STAU2: variants seen among roughly 807,000 people sequenced by gnomAD.
STAU2 encodes staufen double-stranded RNA binding protein 2.
A neutral mutation model predicts 65.9 loss-of-function variants in STAU2; 20 were observed. The ratio of observed to expected loss-of-function variants is 0.30; its 90% CI spans 0.21 to 0.44. STAU2 has a LOEUF of 0.44. Ranked by LOEUF, STAU2 falls within the 20% of genes least tolerant of loss-of-function variation. The probability of loss-of-function intolerance (pLI) is 1.00; values close to 1 mark genes in which losing one functional copy is unlikely to be tolerated. For synonymous variants in STAU2, 232 were observed against 233.9 expected (o/e 0.99, Z 0.07); for missense variants, 558 against 683.9 (o/e 0.82, Z 2.05).
intron 11 of STAU2, 115 bp from the exon 12 acceptor site, chr8:73,582,945 T>C (rs935759710): frequency 4.4e-5 from 37 of 842,956 alleles, no homozygotes; most frequent in Non-Finnish European, 6.8e-5. Flanking sequence ...ATTCTGCATA[T>C]TATCTCTATC....
At chr8:73,732,739 G>A (rs1806155589) in intron 3 of STAU2, 1 of 152,148 alleles carries the variant, frequency 6.6e-6, no homozygotes, top group Non-Finnish European at 1.5e-5. Flanking sequence ...GGACCTTGAA[G>A]CCAATCTGGG....
Position 73,728,327 on chromosome 8 carries a change from A to C in STAU2, c.-18+9957T>G, listed in dbSNP as rs75832956. On this transcript the variant is annotated intron_variant, in intron 3 of 14. Transcript: ENST00000524300. ...ATGCCAGTACCACACTATTTTGATC[A>C]TTGTAGCTTTGCAGTAAGTTTCTTA... 2.0e-4 allele frequency among the ~76,000 whole-genome samples: 30 copies of C among 152,280 alleles called. 1 individual carries two copies. The East Asian group carries it at 5.2e-3, about 26-fold the overall frequency.
At chr8:73,563,849 C>G (rs1258975047) in intron 12 of STAU2, among the ~76,000 whole-genome samples, 1 of 152,146 alleles carries the variant, frequency 6.6e-6, no homozygotes, top group Non-Finnish European at 1.5e-5. Flanking sequence ...GTGACACCAG[C>G]AAGATGGTAG....
At chr8:73,513,599 T>C (rs1822533905) in intron 13 of STAU2, among the ~76,000 whole-genome samples, 1 of 152,060 alleles carries the variant, frequency 6.6e-6, no homozygotes, top group Non-Finnish European at 1.5e-5. Context: ...TTTGAAGTGT[T>C]TTGGTGAGTT....
chr8:73,628,405 C>T (rs761292308), intron 6 of STAU2, among the ~76,000 whole-genome samples: 1 of 152,144 alleles, frequency 6.6e-6, no homozygotes, highest in Non-Finnish European at 1.5e-5. Context: ...TCACTAAATA[C>T]TGCATGCTAG....
intron 12 of STAU2, among the ~76,000 whole-genome samples, chr8:73,570,198 G>A (rs1046154767): frequency 6.6e-6 from 1 of 152,210 alleles, no homozygotes; most frequent in Non-Finnish European, 1.5e-5. Flanking sequence ...ATTTGATCAA[G>A]TGGAAGTAAG....
At chr8:73,479,359 A>G (rs2128909422) in intron 13 of STAU2, among the ~76,000 whole-genome samples, 1 of 152,148 alleles carries the variant, frequency 6.6e-6, no homozygotes, top group East Asian at 1.9e-4. Flanking sequence ...AGAAAGTTAA[A>G]CTGAGGACCA....
At chr8:73,528,303 TTG>T (rs1805578118) in intron 13 of STAU2, among the ~76,000 whole-genome samples, 1 of 152,228 alleles carries the variant, frequency 6.6e-6, no homozygotes, top group Non-Finnish European at 1.5e-5. Context: ...CTGTTTGAAA[TTG>T]TGACATTACA....
At chr8:73,637,477 TAAAA>T (rs60833468) in intron 6 of STAU2, among the ~76,000 whole-genome samples, 3,781 of 56,932 alleles carry the variant, frequency 0.066, 12 homozygotes, top group South Asian at 0.1. Context: ...GTGCTGAAAG[TAAAA>T]AAAAAAAAAA....
At chr8:73,613,303 G>A (rs761529969) in intron 9 of STAU2, among the ~76,000 whole-genome samples, 12 of 152,164 alleles carry the variant, frequency 7.9e-5, no homozygotes, top group Non-Finnish European at 1.3e-4. Flanking sequence ...CTATGCAACA[G>A]CCATGTGTGC....
At chr8:73,625,931 T>C (rs1044268647) in intron 6 of STAU2, among the ~76,000 whole-genome samples, 2 of 152,150 alleles carry the variant, frequency 1.3e-5, no homozygotes, top group Admixed American at 1.3e-4. Context: ...CTTCCTACTC[T>C]TGTCTAATTG....
At chr8:73,523,598 C>T (rs1455841243) in intron 13 of STAU2, among the ~76,000 whole-genome samples, 2 of 152,102 alleles carry the variant, frequency 1.3e-5, no homozygotes, top group African/African-American at 4.8e-5. Flanking sequence ...TCTCCATACC[C>T]CCAGCCCCTG....
At chr8:73,448,428 G>C (rs898152952) in intron 13 of STAU2, among the ~76,000 whole-genome samples, 9 of 152,102 alleles carry the variant, frequency 5.9e-5, no homozygotes, top group Admixed American at 5.2e-4. Context: ...GACTACAGGC[G>C]CACGCCGCCA....
At chr8:73,496,099 A>G (rs1443816929) in intron 13 of STAU2, among the ~76,000 whole-genome samples, 3 of 151,478 alleles carry the variant, frequency 2.0e-5, no homozygotes, top group African/African-American at 7.3e-5. Flanking sequence ...TTAAATAGAG[A>G]GATGAGGTGA....
chr8:73,719,009 T>C (rs1563527439), intron 3 of STAU2, among the ~76,000 whole-genome samples: 1 of 152,326 alleles, frequency 6.6e-6, no homozygotes, highest in East Asian at 1.9e-4. Context: ...CTGAACACCA[T>C]GCATTTCCTT....
At chr8:73,684,711 C>G (rs1354814440) in intron 5 of STAU2, among the ~76,000 whole-genome samples, 1 of 152,078 alleles carries the variant, frequency 6.6e-6, no homozygotes, top group Non-Finnish European at 1.5e-5. Context: ...AACTATGTAT[C>G]TGACAAAGGA....
intron 9 of STAU2, among the ~76,000 whole-genome samples, chr8:73,612,874 C>G (rs77915435): frequency 0.02 from 3,076 of 152,274 alleles, 82 homozygotes; most frequent in African/African-American, 0.066. Context: ...CAATTTAAGG[C>G]TTTCTCTGGA....
At chr8:73,719,072 G>C (rs567107321) in intron 3 of STAU2, among the ~76,000 whole-genome samples, 38 of 152,298 alleles carry the variant, frequency 2.5e-4, no homozygotes, top group African/African-American at 8.7e-4. Flanking sequence ...AAACGGAACT[G>C]GTTAAAGTGG....
At chr8:73,690,140 AAC>A (rs1819222822) in intron 4 of STAU2, among the ~76,000 whole-genome samples, 1 of 152,110 alleles carries the variant, frequency 6.6e-6, no homozygotes, top group East Asian at 1.9e-4. Context: ...CATCCTGGCT[AAC>A]ACAGTGAATC....
Sources: allele counts gnomAD v4.1 joint callset (sites outside exome capture counted in the v4.1 genomes callset), GRCh38; gene constraint gnomAD v4.1.1; transcripts MANE v1.5; gene names NCBI Gene and HGNC (gene_info 2026-07-23, HGNC 2026-07-21).